The following RBFOX1 variants were observed in gnomAD, a reference collection of about 807,000 sequenced individuals.
RBFOX1 encodes the protein RNA binding protein fox-1 homolog 1.
In RBFOX1, 8 loss-of-function variants were observed where a neutral mutation model predicts 57.7. That is an observed-to-expected ratio of 0.14 (90% CI 0.08 to 0.25). RBFOX1 has a LOEUF of 0.25. Among genes scored for constraint, RBFOX1 ranks in the 10% least tolerant of loss-of-function variants. The pLI, the probability that RBFOX1 is intolerant of heterozygous loss-of-function variation, is 1.00. For missense variants in RBFOX1, 611 were observed against 548.5 expected (o/e 1.11, Z -1.14); for synonymous variants, 326 against 222.4 (o/e 1.47, Z -4.15).
intron 2 of RBFOX1, among the ~76,000 whole-genome samples, chr16:6,583,028 A>C (rs12918519): frequency 0.39 from 57,710 of 149,336 alleles, 12,164 homozygotes; most frequent in Non-Finnish European, 0.47. Flanking sequence ...CTCTTGCTCG[A>C]TGTCTCTCTC....
At position 6,756,517 on chromosome 16, in the gene RBFOX1, A is replaced by C. The variant is rs370131002; in HGVS notation, c.-16+101867A>C. The stretch of plus-strand genomic sequence containing the variant: ...GCACAACAAAGGAAACAATGAATGC[A>C]GCAAAGAGAGGATCTGTAGAATGGG... On this transcript the variant is annotated intron_variant, in intron 3 of 15. Transcript: ENST00000550418. Among the ~76,000 whole-genome samples the C allele has an allele frequency of 2.0e-4, 31 of 152,314 alleles. No homozygotes were observed. In the East Asian group the frequency reaches 5.0e-3, roughly 25 times the overall value.
At position 6,052,048 on chromosome 16, in the gene RBFOX1, T is replaced by G. The variant is rs557814085; in HGVS notation, c.-127+32056T>G. ...CCCCATCATGCCAAACAAGCCTGTTTTATGAAAAACAAAACAGAACAGGAA... is the reference window on the plus strand; with the variant it reads ...CCCCATCATGCCAAACAAGCCTGTTGTATGAAAAACAAAACAGAACAGGAA... On this transcript the variant is annotated intron_variant, in intron 1 of 15. Coordinates refer to ENST00000550418, the MANE Select transcript of RBFOX1 (RefSeq NM_018723.4). Among the ~76,000 whole-genome samples the G allele has an allele frequency of 6.6e-5, 10 of 152,244 alleles. No individual in the cohort carries two copies. In the South Asian group the frequency reaches 2.1e-3, roughly 32 times the overall value.
At chr16:6,332,420 A>G (rs1245860755) in intron 2 of RBFOX1, among the ~76,000 whole-genome samples, 1 of 152,220 alleles carries the variant, frequency 6.6e-6, no homozygotes, top group African/African-American at 2.4e-5. Flanking sequence ...ACAAACAGAT[A>G]TTAGAAAGGT....
chr16:5,621,449 A>G (rs1377059900), intron 3 of RBFOX1, among the ~76,000 whole-genome samples: 5 of 152,140 alleles, frequency 3.3e-5, no homozygotes, highest in African/African-American at 1.2e-4. Flanking sequence ...CGTCTTGACA[A>G]TGCTCTGTGA....
At chr16:7,065,315 C>G (rs938087706) in intron 4 of RBFOX1, among the ~76,000 whole-genome samples, 1 of 152,076 alleles carries the variant, frequency 6.6e-6, no homozygotes, top group African/African-American at 2.4e-5. Context: ...GCCGTGTAAT[C>G]TGCTTTCTTC....
At chr16:5,489,102 G>A (rs949394679) in intron 2 of RBFOX1, among the ~76,000 whole-genome samples, 1 of 152,176 alleles carries the variant, frequency 6.6e-6, no homozygotes, top group East Asian at 1.9e-4. Flanking sequence ...AGTGTCAGAC[G>A]CTGCCTGTCC....
At chr16:6,195,381 C>G (rs1297253686) in intron 1 of RBFOX1, among the ~76,000 whole-genome samples, 1 of 152,128 alleles carries the variant, frequency 6.6e-6, no homozygotes, top group Admixed American at 6.6e-5. Context: ...TTTCCGTCTT[C>G]TGGACTGAGA....
chr16:7,217,964 CT>C (rs2092367374), intron 4 of RBFOX1, among the ~76,000 whole-genome samples: 1 of 149,440 alleles, frequency 6.7e-6, no homozygotes, highest in Non-Finnish European at 1.5e-5. Flanking sequence ...ACATGTGTAC[CT>C]GTGTCTGCGT....
intron 4 of RBFOX1, among the ~76,000 whole-genome samples, chr16:7,195,614 G>T (rs1298866769): frequency 2.0e-5 from 3 of 152,162 alleles, no homozygotes; most frequent in African/African-American, 7.2e-5. Context: ...CTGGAGTGCA[G>T]TGGTGGGATC....
chr16:7,244,423 A>T (rs1316416435), intron 4 of RBFOX1, among the ~76,000 whole-genome samples: 1 of 152,074 alleles, frequency 6.6e-6, no homozygotes, highest in Non-Finnish European at 1.5e-5. Context: ...TTCAGCACAC[A>T]TCTTTGTCAT....
chr16:5,385,035 G>C (rs1300522016), intron 1 of RBFOX1, among the ~76,000 whole-genome samples: 1 of 152,190 alleles, frequency 6.6e-6, no homozygotes, highest in Non-Finnish European at 1.5e-5. Flanking sequence ...GTCGTAATGG[G>C]TGTTAACACA....
chr16:5,522,022 C>T (rs2044039714), intron 2 of RBFOX1, among the ~76,000 whole-genome samples: 1 of 152,146 alleles, frequency 6.6e-6, no homozygotes, highest in South Asian at 2.1e-4. Context: ...CTCTGTATTC[C>T]CAGCACCCGG....
intron 3 of RBFOX1, among the ~76,000 whole-genome samples, chr16:6,752,673 C>G (rs11643275): frequency 0.22 from 32,841 of 152,202 alleles, 4,113 homozygotes; most frequent in Non-Finnish European, 0.28. Flanking sequence ...AACTCTAACA[C>G]ACACACCTTT....
intron 3 of RBFOX1, among the ~76,000 whole-genome samples, chr16:6,854,870 A>G (rs1380956697): frequency 6.6e-6 from 1 of 152,094 alleles, no homozygotes; most frequent in Non-Finnish European, 1.5e-5. Flanking sequence ...CTGGGATTAC[A>G]GGCGTGAGCC....
chr16:6,859,185 GTATATATATA>G (rs58752352), intron 3 of RBFOX1, among the ~76,000 whole-genome samples: 2 of 43,990 alleles, frequency 4.5e-5, no homozygotes, highest in South Asian at 1.1e-3. Flanking sequence ...GTATATATAT[GTATATATATA>G]TGTATATATA....
intron 4 of RBFOX1, among the ~76,000 whole-genome samples, chr16:5,999,243 C>T (rs974572449): frequency 1.3e-5 from 2 of 152,186 alleles, no homozygotes; most frequent in African/African-American, 4.8e-5. Context: ...TTATCTCTAC[C>T]ACAGGGCCTT....
chr16:6,215,202 A>G (rs1404756358), intron 1 of RBFOX1, among the ~76,000 whole-genome samples: 6 of 79,954 alleles, frequency 7.5e-5, no homozygotes, highest in Non-Finnish European at 7.5e-5. Context: ...GAGGAGGATA[A>G]GGAGAGGGAG....
At chr16:6,272,483 G>C (rs749016774) in intron 1 of RBFOX1, among the ~76,000 whole-genome samples, 1 of 152,098 alleles carries the variant, frequency 6.6e-6, no homozygotes, top group Non-Finnish European at 1.5e-5. Context: ...GGATTGGAAG[G>C]CTCATCATAG....
rs966195923 is a variant in RBFOX1, at chr16:7,021,241, G to A, written c.-15-30816G>A. Among the ~76,000 whole-genome samples, 23 of 151,138 alleles carry A rather than the reference G, an allele frequency of 1.5e-4. 1 individual carries two copies. Among genetic ancestry groups the A allele is most frequent in the Non-Finnish European group, 7.4e-5 (5 of 67,860 alleles). ...ATTGTTGTTTCTTATGTGTTGCGTC[G>A]GCCCCCACCTCATTTGGTTACTACT... is the stretch of plus-strand genomic sequence containing the variant. On this transcript the variant is annotated intron_variant, in intron 3 of 15. Transcript: ENST00000550418.
Sources: allele counts gnomAD v4.1 joint callset (sites outside exome capture counted in the v4.1 genomes callset), GRCh38; gene constraint gnomAD v4.1.1; transcripts MANE v1.5; gene names NCBI Gene and HGNC (gene_info 2026-07-23, HGNC 2026-07-21).